CDH13: variants seen among roughly 807,000 people sequenced by gnomAD.
CDH13 encodes cadherin-13.
CDH13 carries 24 observed loss-of-function variants against 63.8 expected under a neutral mutation model. That is an observed-to-expected ratio of 0.38 (90% CI 0.27 to 0.53). The LOEUF (loss-of-function observed/expected upper bound fraction) is 0.53. Ranked by LOEUF, CDH13 falls within the 20% of genes least tolerant of loss-of-function variation. CDH13 has a pLI of 0.85. For missense variants in CDH13, 1,049 were observed against 903.1 expected (o/e 1.16, Z -2.07); for synonymous variants, 503 against 355.3 (o/e 1.42, Z -4.67).
chr16:83,702,880 A>G (rs1906458786), intron 10 of CDH13, among the ~76,000 whole-genome samples: 1 of 152,200 alleles, frequency 6.6e-6, no homozygotes, highest in Non-Finnish European at 1.5e-5. Context: ...CTGCACACAT[A>G]TTACTGCATA....
intron 7 of CDH13, among the ~76,000 whole-genome samples, chr16:83,530,383 G>C (rs1265253762): frequency 3.3e-5 from 5 of 152,186 alleles, no homozygotes; most frequent in Non-Finnish European, 7.3e-5. Context: ...TACACATTCA[G>C]ATGGCATTTC....
intron 7 of CDH13, among the ~76,000 whole-genome samples, chr16:83,598,011 A>G (rs990627929): frequency 2.3e-4 from 35 of 152,224 alleles, no homozygotes; most frequent in African/African-American, 8.0e-4. Flanking sequence ...TCTAGTATCC[A>G]ACACGACATT....
chr16:83,095,263 AC>A (rs559489791), intron 3 of CDH13, among the ~76,000 whole-genome samples: 119 of 152,266 alleles, frequency 7.8e-4, no homozygotes, highest in Non-Finnish European at 1.1e-3. Flanking sequence ...TGTTCCCAAA[AC>A]TTTCACCTCA....
intron 6 of CDH13, among the ~76,000 whole-genome samples, chr16:83,435,834 C>T (rs2072281517): frequency 6.6e-6 from 1 of 152,174 alleles, no homozygotes; most frequent in African/African-American, 2.4e-5. Flanking sequence ...TGTCTGTCTC[C>T]CTCATTGTAT....
chr16:82,662,237 G>A (rs923089032), intron 1 of CDH13, among the ~76,000 whole-genome samples: 1 of 138,316 alleles, frequency 7.2e-6, no homozygotes, highest in Non-Finnish European at 1.7e-5. Flanking sequence ...AAAAACAGAT[G>A]CAACACACAG....
At chr16:83,063,562 A>G (rs1054593797) in intron 3 of CDH13, among the ~76,000 whole-genome samples, 1 of 152,250 alleles carries the variant, frequency 6.6e-6, no homozygotes, top group African/African-American at 2.4e-5. Context: ...AGCTGAAGAT[A>G]TAGCTGTAGT....
intron 4 of CDH13, among the ~76,000 whole-genome samples, chr16:83,206,355 T>C (rs1217890154): frequency 1.3e-5 from 2 of 152,224 alleles, no homozygotes; most frequent in African/African-American, 4.8e-5. Flanking sequence ...CAGCTTCTCA[T>C]GCACATCTCA....
intron 6 of CDH13, among the ~76,000 whole-genome samples, chr16:83,359,244 GA>G (rs1242078638): frequency 6.6e-6 from 1 of 152,144 alleles, no homozygotes; most frequent in African/African-American, 2.4e-5. Flanking sequence ...CTGTGATTAT[GA>G]GACCTTAAAC....
intron 11 of CDH13, among the ~76,000 whole-genome samples, chr16:83,765,509 C>T (rs950656759): frequency 2.6e-5 from 4 of 151,526 alleles, no homozygotes; most frequent in African/African-American, 9.7e-5. Flanking sequence ...TTCCACCAGA[C>T]TTTTTGTTGG....
chr16:83,565,598 T>C (rs1443157097), intron 7 of CDH13, among the ~76,000 whole-genome samples: 1 of 152,128 alleles, frequency 6.6e-6, no homozygotes, highest in East Asian at 1.9e-4. Flanking sequence ...GCGATCTTTA[T>C]GTGGTGGGTG....
At chr16:82,665,417 G>C (rs1412797705) in intron 1 of CDH13, among the ~76,000 whole-genome samples, 1 of 152,132 alleles carries the variant, frequency 6.6e-6, no homozygotes, top group Non-Finnish European at 1.5e-5. Context: ...TTGACTAGTT[G>C]ACTGAACTGT....
At chr16:82,983,952 G>A (rs1056546310) in intron 2 of CDH13, among the ~76,000 whole-genome samples, 1 of 152,164 alleles carries the variant, frequency 6.6e-6, no homozygotes, top group Non-Finnish European at 1.5e-5. Flanking sequence ...TGACAGAGTG[G>A]GTAGCTGGAG....
At chr16:82,789,825 G>C (rs980555322) in intron 1 of CDH13, among the ~76,000 whole-genome samples, 1 of 152,158 alleles carries the variant, frequency 6.6e-6, no homozygotes, top group African/African-American at 2.4e-5. Context: ...CCCAATAGCA[G>C]TTTCTATGAC....
intron 6 of CDH13, among the ~76,000 whole-genome samples, chr16:83,373,772 T>A (rs12599909): frequency 0.14 from 20,716 of 152,080 alleles, 2,071 homozygotes; most frequent in African/African-American, 0.28. Context: ...ATACTTCACC[T>A]CCTTGAGACT....
intron 2 of CDH13, among the ~76,000 whole-genome samples, chr16:82,908,886 G>C (rs1258927960): frequency 6.6e-6 from 1 of 152,142 alleles, no homozygotes; most frequent in African/African-American, 2.4e-5. Context: ...TTACCAAATG[G>C]CAAATTGAAA....
rs2033523591 is a variant in CDH13, at chr16:83,085,370, G to GA, written c.367-40014dup. ...CCCACAACACGTGGGAATTCTGGGA[G>GA]ATACAGTTCAAGTTGAGATTTGGGT... On this transcript the variant is annotated intron_variant, in intron 3 of 13. Coordinates refer to ENST00000567109, the MANE Select transcript of CDH13 (RefSeq NM_001257.5). Among the ~76,000 whole-genome samples, 3 of 152,264 alleles carry GA rather than the reference G, an allele frequency of 2.0e-5. No individual in the cohort carries two copies. In the South Asian group the frequency reaches 6.2e-4, roughly 32 times the overall value.
chr16:83,313,216 G>A (rs2090037287), intron 5 of CDH13, among the ~76,000 whole-genome samples: 1 of 152,120 alleles, frequency 6.6e-6, no homozygotes, highest in Admixed American at 6.6e-5. Flanking sequence ...TTCTTAAGGG[G>A]GAGTCTTTGA....
At chr16:83,595,340 A>T (rs749945701) in intron 7 of CDH13, among the ~76,000 whole-genome samples, 15 of 152,264 alleles carry the variant, frequency 9.9e-5, no homozygotes, top group African/African-American at 3.4e-4. Context: ...CAATAATGAA[A>T]GTAAATCGCC....
At chr16:83,430,685 C>G (rs553639719) in intron 6 of CDH13, among the ~76,000 whole-genome samples, 129 of 152,234 alleles carry the variant, frequency 8.5e-4, no homozygotes, top group African/African-American at 2.9e-3. Flanking sequence ...TAAGAAAGTT[C>G]TTTCTCAACA....
Sources: gnomAD v4.1 joint callset for allele counts (sites outside exome capture counted in the v4.1 genomes callset) on GRCh38, gnomAD v4.1.1 for gene constraint, MANE v1.5 for transcripts, NCBI Gene and HGNC (gene_info 2026-07-23, HGNC 2026-07-21) for gene names.